TACC1: variants seen among roughly 807,000 people sequenced by gnomAD.
TACC1 encodes transforming acidic coiled-coil containing protein 1, also known as transforming acidic coiled-coil-containing protein 1.
In TACC1, 48 loss-of-function variants were observed where a neutral mutation model predicts 84.4. The observed-to-expected ratio is 0.57, with a 90% CI of 0.45 to 0.72. The LOEUF is 0.72. Ranked by LOEUF, TACC1 falls within the 30% of genes least tolerant of loss-of-function variation. The pLI is 0.00. For synonymous variants in TACC1, 372 were observed against 376.3 expected, an observed-to-expected ratio of 0.99 and a Z score of 0.13; for missense variants, 920 against 973.0, an observed-to-expected ratio of 0.95 and a Z score of 0.72.
At chr8:38,817,247 A>G (rs1016136881) in intron 2 of TACC1, among the ~76,000 whole-genome samples, 2 of 152,176 alleles carry the variant, frequency 1.3e-5, no homozygotes, top group African/African-American at 4.8e-5. Context: ...AAACACATGG[A>G]TATTTGCAGC....
intron 3 of TACC1, among the ~76,000 whole-genome samples, chr8:38,778,311 C>A (rs1192924739): frequency 2.7e-5 from 4 of 150,158 alleles, no homozygotes; most frequent in Non-Finnish European, 5.9e-5. Context: ...TGTGTGTTTA[C>A]AATGGGTACA....
At chr8:38,742,502 A>G (rs1807262981) in intron 2 of TACC1, 1 of 1,365,670 alleles carries the variant, frequency 7.3e-7, no homozygotes. Context: ...TTTAAAGTAA[A>G]AATTTTTATT....
intron 3 of TACC1, among the ~76,000 whole-genome samples, chr8:38,757,044 C>T (rs1340766871): frequency 6.6e-6 from 1 of 152,182 alleles, no homozygotes; most frequent in Non-Finnish European, 1.5e-5. Flanking sequence ...CCTTGCCGGG[C>T]GAGGAGGCGC....
intron 2 of TACC1, among the ~76,000 whole-genome samples, chr8:38,812,455 C>T (rs1824431510): frequency 6.6e-6 from 1 of 152,126 alleles, no homozygotes; most frequent in Non-Finnish European, 1.5e-5. Flanking sequence ...GACTGGCCGA[C>T]ACTTAGGAAA....
intron 5 of TACC1, among the ~76,000 whole-genome samples, chr8:38,828,461 A>C (rs1828583433): frequency 6.6e-6 from 1 of 152,254 alleles, no homozygotes; most frequent in Admixed American, 6.5e-5. Context: ...CCAAAGGAAC[A>C]GGGAAAACTG....
chr8:38,827,592 G>A, intron 5 of TACC1: 1 of 583,752 alleles, frequency 1.7e-6, no homozygotes, highest in East Asian at 2.9e-5. Flanking sequence ...AAGTTGTATA[G>A]GAGATGCTGA....
intron 3 of TACC1, among the ~76,000 whole-genome samples, chr8:38,761,982 G>A (rs1234867093): frequency 6.6e-6 from 1 of 152,142 alleles, no homozygotes; most frequent in Non-Finnish European, 1.5e-5. Context: ...GATTTGAATT[G>A]CATGACAAGG....
intron 2 of TACC1, among the ~76,000 whole-genome samples, chr8:38,792,024 G>A (rs893587863): frequency 3.3e-5 from 5 of 152,198 alleles, no homozygotes; most frequent in Non-Finnish European, 7.3e-5. Flanking sequence ...GTTAAGTGGC[G>A]GATAAGGTTG....
chr8:38,789,067 C>T (rs1563496047), intron 2 of TACC1, among the ~76,000 whole-genome samples: 2 of 152,134 alleles, frequency 1.3e-5, no homozygotes, highest in African/African-American at 4.8e-5. Flanking sequence ...CCTTTCTCCT[C>T]AGCCCCTAAA....
At chr8:38,803,044 G>T (rs886550076) in intron 2 of TACC1, among the ~76,000 whole-genome samples, 1 of 152,042 alleles carries the variant, frequency 6.6e-6, no homozygotes, top group African/African-American at 2.4e-5. Context: ...TTTTGATACT[G>T]TTATAAATGG....
At chr8:38,846,458 T>C (rs1256307466) in intron 11 of TACC1, 3 of 340,162 alleles carry the variant, frequency 8.8e-6, no homozygotes, top group African/African-American at 4.4e-5. Context: ...AAAAAAAATC[T>C]AAGACTGTTA....
At chr8:38,748,780 A>G (rs1587205147) in intron 3 of TACC1, among the ~76,000 whole-genome samples, 1 of 152,176 alleles carries the variant, frequency 6.6e-6, no homozygotes, top group African/African-American at 2.4e-5. Flanking sequence ...AAATTTGTGC[A>G]ATGTAGCTAA....
At chr8:38,780,233 G>T (rs1380221485) in intron 3 of TACC1, among the ~76,000 whole-genome samples, 1 of 152,098 alleles carries the variant, frequency 6.6e-6, no homozygotes, top group Non-Finnish European at 1.5e-5. Context: ...TAATCCATCT[G>T]GAATTTATCC....
chr8:38,802,753 TGA>T (rs1821696746), intron 2 of TACC1, among the ~76,000 whole-genome samples: 1 of 152,086 alleles, frequency 6.6e-6, no homozygotes, highest in Non-Finnish European at 1.5e-5. Context: ...TGTCACATGG[TGA>T]GAGACGAGAA....
chr8:38,835,559 G>A (rs1042079547), intron 6 of TACC1, among the ~76,000 whole-genome samples: 3 of 152,258 alleles, frequency 2.0e-5, no homozygotes, highest in Non-Finnish European at 2.9e-5. Flanking sequence ...CCAGCAGGCT[G>A]GGTTACAGCA....
intron 3 of TACC1, among the ~76,000 whole-genome samples, chr8:38,778,472 T>G (rs1316352578): frequency 2.0e-5 from 3 of 152,168 alleles, no homozygotes; most frequent in African/African-American, 7.2e-5. Flanking sequence ...GACATTTCAC[T>G]TACTGAGTTG....
chr8:38,735,773 C>G (rs533715879), intron 1 of TACC1, among the ~76,000 whole-genome samples: 1 of 152,272 alleles, frequency 6.6e-6, no homozygotes, highest in East Asian at 1.9e-4. Context: ...GAGAGTGTTA[C>G]CTGCTGGGCT....
intron 3 of TACC1, among the ~76,000 whole-genome samples, chr8:38,767,139 A>T (rs973510142): frequency 6.6e-6 from 1 of 152,212 alleles, no homozygotes; most frequent in African/African-American, 2.4e-5. Flanking sequence ...GCAAAATGTT[A>T]TGTTTCTATG....
In TACC1 at chr8:38,768,768, G is replaced by A. The variant is rs1209142997; in HGVS notation, c.27-19936G>A. ...AACTGTGTGTGGGAGGTATGTGTGT[G>A]ACTGTGGGCTTATGTGAGAGTTGGG... On this transcript the variant is annotated intron_variant, in intron 3 of 14. Coordinates refer to the TACC1 transcript ENST00000518415. Among the ~76,000 whole-genome samples the A allele has an allele frequency of 2.0e-5, 3 of 151,976 alleles. No individual in the cohort carries two copies. In the East Asian group the frequency reaches 5.8e-4, roughly 29 times the overall value.
Sources: gnomAD v4.1 joint callset for allele counts (sites outside exome capture counted in the v4.1 genomes callset) on GRCh38, gnomAD v4.1.1 for gene constraint, MANE v1.5 for transcripts, NCBI Gene and HGNC (gene_info 2026-07-23, HGNC 2026-07-21) for gene names.